MICAL3: variants seen among roughly 807,000 people sequenced by gnomAD.
MICAL3 encodes microtubule associated monooxygenase, calponin and LIM domain containing 3, also known as [F-actin]-monooxygenase MICAL3.
In MICAL3, 62 loss-of-function variants were observed where a neutral mutation model predicts 207.4. The observed-to-expected ratio is 0.30, with a 90% CI of 0.24 to 0.37. MICAL3 has a LOEUF of 0.37. Among genes scored for constraint, MICAL3 ranks in the 10% least tolerant of loss-of-function variants. MICAL3 has a pLI of 1.00. For missense variants in MICAL3, 2,368 were observed against 2,635.6 expected (o/e 0.90, Z 2.22); for synonymous variants, 1,077 against 1,069.3 (o/e 1.01, Z -0.14).
chr22:17,881,128 T>G, intron 16 of MICAL3: 1 of 1,183,896 alleles, frequency 8.4e-7, no homozygotes, highest in East Asian at 2.4e-5. Context: ...GGAAAGTGAC[T>G]TGGTCTCTAC....
At chr22:17,876,257 C>T (rs1266372888) in intron 16 of MICAL3, among the ~76,000 whole-genome samples, 1 of 152,210 alleles carries the variant, frequency 6.6e-6, no homozygotes, top group Non-Finnish European at 1.5e-5. Context: ...GAGATTGAGG[C>T]AGTGACCGAA....
Position 17,818,194 on chromosome 22 carries a change from G to A in MICAL3, c.4467C>T (p.Pro1489=), listed in dbSNP as rs1356969165. 6 of 1,562,932 alleles carry A rather than the reference G, an allele frequency of 3.8e-6. No individual in the cohort carries two copies. Among genetic ancestry groups the A allele is most frequent in the African/African-American group, 1.4e-5 (1 of 73,836 alleles). The change falls in exon 26 of 32, where the codon CCC becomes CCT. Residue 1489 remains proline (P), a synonymous_variant. Transcript: ENST00000441493. ...AEPNASVVPP[P]LPATWMRPPR... is the part of the protein sequence containing the mutation. Reference sequence around the variant, plus strand: ...GGGGCCGCATCCAGGTGGCGGGCAAGGGCGGCGGGACCACCGAGGCATTGG... The same window carrying A: ...GGGGCCGCATCCAGGTGGCGGGCAAAGGCGGCGGGACCACCGAGGCATTGG...
In MICAL3 at chr22:17,844,974, C is replaced by G. The variant is rs78737952; in HGVS notation, c.2606-2957G>C. Among the ~76,000 whole-genome samples, 504 of 152,288 alleles carry G rather than the reference C, an allele frequency of 3.3e-3. 3 individuals carry two copies. The highest frequency in any genetic ancestry group is 0.011 in the African/African-American group (476 of 41,548). On this transcript the variant is annotated intron_variant, in intron 19 of 31. Transcript: ENST00000441493. ...CCAGTCTTCCCATCCCTTCCTTCTC[C>G]TCATCAAAATCCATGGCGGCCACCC...
chr22:17,925,000 G>C (rs558590796), intron 1 of MICAL3, among the ~76,000 whole-genome samples: 1 of 152,272 alleles, frequency 6.6e-6, no homozygotes, highest in East Asian at 1.9e-4. Context: ...CAATGAAATT[G>C]ACCAAATAGC....
Position 17,818,266 on chromosome 22 carries a change from CG to C in MICAL3, c.4394del (p.Pro1465ArgfsTer140). On this transcript the variant is annotated frameshift_variant, in exon 26 of 32. Transcript: ENST00000441493. LOFTEE classifies it high-confidence loss of function. The stretch of plus-strand genomic sequence containing the variant: ...TCCGCAAGGTGGCGGGCTCCTCGCC[CG>C]GGGGTGGCGGTGGGGGCGGGCTGGA... ...PPSSPPPPPP[P>X]GEEPATLRRK... 3.5e-6 allele frequency: 1 copy of C among 288,744 alleles called. No individual in the cohort carries two copies. The highest frequency in any genetic ancestry group is 6.1e-5 in the African/African-American group (1 of 16,278). The allele number at this position is 288,744 out of a possible 1,614,324, so 17.9% of individuals were successfully genotyped here.
At chr22:17,947,488 G>T (rs1226026165) in intron 1 of MICAL3, among the ~76,000 whole-genome samples, 1 of 152,138 alleles carries the variant, frequency 6.6e-6, no homozygotes, top group East Asian at 1.9e-4. Flanking sequence ...AGTGAATTCT[G>T]CTCATTCTGG....
intron 1 of MICAL3, among the ~76,000 whole-genome samples, chr22:17,934,466 T>C (rs1933419299): frequency 6.6e-6 from 1 of 152,096 alleles, no homozygotes; most frequent in Non-Finnish European, 1.5e-5. Context: ...CTGAAAATAA[T>C]AAGAGTTATT....
At chr22:17,828,077 C>T (rs554274830) in intron 21 of MICAL3, among the ~76,000 whole-genome samples, 2 of 152,328 alleles carry the variant, frequency 1.3e-5, no homozygotes, top group East Asian at 3.9e-4. Context: ...TTCTGAGGCT[C>T]CTTTCATCCT....
chr22:17,973,040 A>G (rs1452981880), intron 1 of MICAL3, among the ~76,000 whole-genome samples: 3 of 152,214 alleles, frequency 2.0e-5, no homozygotes, highest in Admixed American at 2.0e-4. Context: ...GCCATGCCCA[A>G]TAGTTCTCAG....
intron 19 of MICAL3, among the ~76,000 whole-genome samples, chr22:17,843,530 A>G (rs1184630561): frequency 6.6e-6 from 1 of 152,158 alleles, no homozygotes; most frequent in African/African-American, 2.4e-5. Context: ...TCGTTTCCTG[A>G]TAGATAAATG....
chr22:17,980,975 G>A, intron 1 of MICAL3: 1 of 505,132 alleles, frequency 2.0e-6, no homozygotes, highest in Non-Finnish European at 4.1e-6. Context: ...CTGTCTATTG[G>A]TCCCCTCCAG....
intron 9 of MICAL3, among the ~76,000 whole-genome samples, chr22:17,895,734 A>C (rs1032145831): frequency 1.3e-5 from 2 of 152,150 alleles, no homozygotes; most frequent in Non-Finnish European, 2.9e-5. Flanking sequence ...AATTTTAAAG[A>C]AAATCAACAC....
chr22:17,891,197 G>A (rs1930369016), intron 12 of MICAL3, among the ~76,000 whole-genome samples: 1 of 151,838 alleles, frequency 6.6e-6, no homozygotes, highest in Non-Finnish European at 1.5e-5. Flanking sequence ...CCAGGTGGGT[G>A]TCAAAACCAG....
rs1170783122 is a variant in MICAL3, at chr22:17,971,458, C to T, written c.-75+52823G>A. 3.3e-5 allele frequency among the ~76,000 whole-genome samples: 5 copies of T among 152,110 alleles called. No homozygotes were observed. In the East Asian group the frequency reaches 5.8e-4, roughly 18 times the overall value. On this transcript the variant is annotated intron_variant, in intron 1 of 31. Coordinates refer to ENST00000441493, the MANE Select transcript of MICAL3 (RefSeq NM_015241.3). ...TCGCACCATTGCACTCCAGCCTGGG[C>T]GACAGTGCAAGACTCCATGTCAAAA...
At chr22:17,971,464 T>C (rs747743857) in intron 1 of MICAL3, among the ~76,000 whole-genome samples, 11 of 152,102 alleles carry the variant, frequency 7.2e-5, no homozygotes, top group Non-Finnish European at 1.3e-4. Context: ...TGGGCGACAG[T>C]GCAAGACTCC....
chr22:17,877,345 AGGTT>A (rs1928801675), intron 16 of MICAL3, among the ~76,000 whole-genome samples: 1 of 116,068 alleles, frequency 8.6e-6, no homozygotes. Flanking sequence ...GAGGTTAGGG[AGGTT>A]AGGGAGGTTA....
rs552834028 is a variant in MICAL3 at position 17,817,678 on chromosome 22, G to A, written c.4983C>T (p.Pro1661=). ...CGCTGGTGGCTTCATGCTTCAGGGT[G>A]GGCTCCTCGGAGCCCCTGAGAGTGG... ...TRPTLRGSEE[P]TLKHEATSEE... Residue 1661 remains proline, a synonymous_variant, in exon 26 of 32, where the codon CCC becomes CCT. Coordinates refer to ENST00000441493, the MANE Select transcript of MICAL3 (RefSeq NM_015241.3). 21 of 1,609,046 alleles carry A rather than the reference G, an allele frequency of 1.3e-5. 1 individual carries two copies. In the South Asian group the frequency reaches 2.1e-4, roughly 16 times the overall value.
chr22:17,937,722 T>C (rs1933607866), intron 1 of MICAL3, among the ~76,000 whole-genome samples: 1 of 152,202 alleles, frequency 6.6e-6, no homozygotes, highest in Non-Finnish European at 1.5e-5. Flanking sequence ...GATTGCTAAC[T>C]TCACCATACC....
At chr22:17,921,049 C>G (rs892097429) in intron 1 of MICAL3, among the ~76,000 whole-genome samples, 1 of 151,974 alleles carries the variant, frequency 6.6e-6, no homozygotes, top group Non-Finnish European at 1.5e-5. Context: ...CCTTGTGGGC[C>G]CCAAGATCTT....
Sources: allele counts gnomAD v4.1 joint callset (sites outside exome capture counted in the v4.1 genomes callset), GRCh38; gene constraint gnomAD v4.1.1; transcripts MANE v1.5; gene names NCBI Gene and HGNC (gene_info 2026-07-23, HGNC 2026-07-21).